GSE1: variants seen among roughly 807,000 people sequenced by gnomAD.
The protein encoded by GSE1 is genetic suppressor element 1.
In GSE1, 32 loss-of-function variants were observed where a neutral mutation model predicts 112.6. The observed-to-expected ratio is 0.28, with a 90% CI of 0.21 to 0.38. GSE1 has a LOEUF of 0.38. GSE1 is among the 10% of genes least tolerant of loss of function. The probability of loss-of-function intolerance (pLI) is 1.00; values close to 1 mark genes in which losing one functional copy is unlikely to be tolerated. For synonymous variants in GSE1, 1,115 were observed against 735.6 expected (o/e 1.52, Z -8.35); for missense variants, 2,348 against 1,699.2 (o/e 1.38, Z -6.71).
intron 2 of GSE1, among the ~76,000 whole-genome samples, chr16:85,461,253 T>A (rs1439231726): frequency 1.3e-5 from 2 of 152,198 alleles, no homozygotes; most frequent in African/African-American, 4.8e-5. Flanking sequence ...TTGAGAAGCA[T>A]CCCTGGCCTC....
intron 1 of GSE1, among the ~76,000 whole-genome samples, chr16:85,233,864 T>G (rs1359169684): frequency 2.0e-5 from 3 of 152,142 alleles, no homozygotes; most frequent in Admixed American, 6.5e-5. Flanking sequence ...GGAGCCCCTT[T>G]GGAGCCGACA....
chr16:85,548,807 T>C (rs2044797120), intron 2 of GSE1, among the ~76,000 whole-genome samples: 1 of 152,110 alleles, frequency 6.6e-6, no homozygotes. Flanking sequence ...CTTTTTTTGT[T>C]GGAGACGGAG....
intron 1 of GSE1, among the ~76,000 whole-genome samples, chr16:85,241,252 A>G (rs897992073): frequency 2.0e-5 from 3 of 152,174 alleles, no homozygotes; most frequent in Non-Finnish European, 4.4e-5. Flanking sequence ...CTGTAAAAGC[A>G]GGGCTGATGG....
rs138740787 is a variant in GSE1, at chr16:85,478,760, C to T, written c.2464+121117C>T. ...TCAGCTCACTGCAACCTCTGCCTCC[C>T]AAGTTCAAGTTATTATCCTGCCTCA... On this transcript the variant is annotated intron_variant, in intron 2 of 2. Coordinates refer to the GSE1 transcript ENST00000637419. Among the ~76,000 whole-genome samples, 32 of 150,846 alleles carry T rather than the reference C, an allele frequency of 2.1e-4. No homozygotes were observed. The East Asian group carries it at 6.0e-3, about 28-fold the overall frequency.
rs1051516610 is a variant in GSE1 at position 85,648,434 on chromosome 16, C to T, written c.227-118C>T. ...GGTGGGGGCCCATGAGGCTGGTAGA[C>T]CTGGAGGTCTGGGGCCTCACTTGGA... On this transcript the variant is annotated intron_variant, in intron 2 of 15. Transcript: ENST00000253458. 18 of 610,408 alleles carry T rather than the reference C, an allele frequency of 2.9e-5. No homozygotes were observed. In the African/African-American group the frequency reaches 3.2e-4, roughly 11 times the overall value. The allele number at this position is 610,408 out of a possible 1,614,324, so 37.8% of individuals were successfully genotyped here. A position where few individuals can be genotyped will look rare whatever the true frequency, so the allele number is the denominator to read the frequency against.
intron 1 of GSE1, among the ~76,000 whole-genome samples, chr16:85,213,897 G>T (rs993078684): frequency 7.2e-5 from 11 of 152,230 alleles, no homozygotes; most frequent in Non-Finnish European, 1.6e-4. Context: ...GCTGTGCCAG[G>T]TCAGTCACGT....
chr16:85,461,689 T>C (rs999325287), intron 2 of GSE1, among the ~76,000 whole-genome samples: 1 of 152,196 alleles, frequency 6.6e-6, no homozygotes, highest in Non-Finnish European at 1.5e-5. Context: ...ATTCTCAGGC[T>C]GCAGTCGGTG....
chr16:85,648,371 C>T lies in GSE1; in HGVS notation c.227-181C>T, dbSNP rs114708691. 5.8e-3 allele frequency among the ~76,000 whole-genome samples: 883 copies of T among 152,134 alleles called. 7 individuals carry two copies. The highest frequency in any genetic ancestry group is 0.02 in the African/African-American group (846 of 41,510). ...GGGTAGACTGAGCTGCTGACCCGAT[C>T]GGGCCTCAGGAGAGGTGTCTCCTGC... is the stretch of plus-strand genomic sequence containing the variant. On this transcript the variant is annotated intron_variant, in intron 2 of 15. Coordinates refer to ENST00000253458, the MANE Select transcript of GSE1 (RefSeq NM_014615.5).
At chr16:85,409,182 C>CT (rs1473043526) in intron 2 of GSE1, among the ~76,000 whole-genome samples, 2 of 29,668 alleles carry the variant, frequency 6.7e-5, no homozygotes, top group Non-Finnish European at 1.2e-4. Context: ...TCAGGCGCCC[C>CT]GGATAATCCT....
chr16:85,649,832 C>A (rs986550404), intron 3 of GSE1, among the ~76,000 whole-genome samples: 3 of 152,132 alleles, frequency 2.0e-5, no homozygotes, highest in African/African-American at 7.2e-5. Flanking sequence ...CAGGGGAGGA[C>A]ATGGGTATTG....
At chr16:85,196,869 G>A (rs2074937404) in intron 1 of GSE1, among the ~76,000 whole-genome samples, 3 of 151,788 alleles carry the variant, frequency 2.0e-5, no homozygotes, top group Admixed American at 6.5e-5. Flanking sequence ...ATTTTTAACT[G>A]AATTTGAAGG....
chr16:85,633,777 T>A, intron 1 of GSE1, 137 bp from the exon 2 acceptor site: 1 of 642,142 alleles, frequency 1.6e-6, no homozygotes, highest in Non-Finnish European at 2.8e-6. Context: ...TGTCCTGTTC[T>A]TGCTTGTCCT....
At position 85,494,919 on chromosome 16, in the gene GSE1, C is replaced by T. The variant is rs762243929; in HGVS notation, c.2464+137276C>T. ...GCCGGGCCCTGTCCCCTGCCTCTGC[C>T]GGTGCAGGCTTTCTGCATCGGACTC... On this transcript the variant is annotated intron_variant, in intron 2 of 2. Transcript: ENST00000637419. Among the ~76,000 whole-genome samples the T allele has an allele frequency of 4.6e-5, 7 of 151,164 alleles. No individual in the cohort carries two copies. The East Asian group carries it at 7.8e-4, about 17-fold the overall frequency.
chr16:85,620,878 G>A (rs1173592679), intron 1 of GSE1, among the ~76,000 whole-genome samples: 3 of 152,022 alleles, frequency 2.0e-5, no homozygotes, highest in South Asian at 2.1e-4. Context: ...TGGGGAACCC[G>A]TTTAGAGGGT....
intron 1 of GSE1, among the ~76,000 whole-genome samples, chr16:85,194,757 G>C (rs2074895145): frequency 6.6e-6 from 1 of 152,192 alleles, no homozygotes. Flanking sequence ...GTGTGTTTCA[G>C]GAAATGGCTG....
At chr16:85,473,547 A>G (rs1253750747) in intron 2 of GSE1, among the ~76,000 whole-genome samples, 25 of 152,142 alleles carry the variant, frequency 1.6e-4, no homozygotes, top group Admixed American at 1.6e-3. Flanking sequence ...CCTGGCTGCC[A>G]CGGTCCTTGG....
intron 2 of GSE1, among the ~76,000 whole-genome samples, chr16:85,495,558 G>C (rs1169162777): frequency 6.6e-6 from 1 of 151,680 alleles, no homozygotes; most frequent in Non-Finnish European, 1.5e-5. Flanking sequence ...GTGCAGTGGT[G>C]GGATCTCAGC....
At chr16:85,328,119 G>A (rs889716964) in intron 1 of GSE1, among the ~76,000 whole-genome samples, 2 of 152,250 alleles carry the variant, frequency 1.3e-5, no homozygotes, top group African/African-American at 4.8e-5. Flanking sequence ...TAAATGCTTG[G>A]CTGCTCATGC....
At chr16:85,647,208 G>A (rs1311474804) in intron 2 of GSE1, among the ~76,000 whole-genome samples, 4 of 152,262 alleles carry the variant, frequency 2.6e-5, no homozygotes, top group East Asian at 3.9e-4. Context: ...GTATCCTCTT[G>A]GCTGTAGCCA....
Sources: gnomAD v4.1 joint callset for allele counts (sites outside exome capture counted in the v4.1 genomes callset) on GRCh38, gnomAD v4.1.1 for gene constraint, MANE v1.5 for transcripts, NCBI Gene and HGNC (gene_info 2026-07-23, HGNC 2026-07-21) for gene names.